Variants in PTPRD observed in about 807,000 individuals in gnomAD.
PTPRD encodes protein tyrosine phosphatase receptor type D, also known as receptor-type tyrosine-protein phosphatase delta.
A neutral mutation model predicts 214.5 loss-of-function variants in PTPRD; 34 were observed. The observed-to-expected ratio is 0.16, with a 90% CI of 0.12 to 0.21. The LOEUF (loss-of-function observed/expected upper bound fraction) is 0.21. Ranked by LOEUF, PTPRD falls within the 10% of genes least tolerant of loss-of-function variation. The pLI is 1.00. For missense variants in PTPRD, 2,545 were observed against 2,398.7 expected, an observed-to-expected ratio of 1.06 and a Z score of -1.27; for synonymous variants, 1,128 against 845.7, an observed-to-expected ratio of 1.33 and a Z score of -5.79.
chr9:8,450,390 T>C (rs2095889879), intron 33 of PTPRD, among the ~76,000 whole-genome samples: 1 of 152,106 alleles, frequency 6.6e-6, no homozygotes, highest in Admixed American at 6.5e-5. Context: ...ATGCCTAGGA[T>C]AATCGGGACC....
chr9:9,655,143 A>G (rs1041905230), intron 7 of PTPRD, among the ~76,000 whole-genome samples: 14 of 152,170 alleles, frequency 9.2e-5, no homozygotes, highest in Non-Finnish European at 1.5e-4. Context: ...TGTTATAAAA[A>G]CTATATGATT....
At chr9:10,176,494 G>T (rs766502397) in intron 3 of PTPRD, among the ~76,000 whole-genome samples, 1 of 151,900 alleles carries the variant, frequency 6.6e-6, no homozygotes, top group African/African-American at 2.4e-5. Flanking sequence ...TATCAGACCT[G>T]TAAGTAAACC....
chr9:9,116,009 C>G (rs746747492), intron 10 of PTPRD, among the ~76,000 whole-genome samples: 3 of 151,812 alleles, frequency 2.0e-5, no homozygotes, highest in Non-Finnish European at 4.4e-5. Context: ...TATAAGTGAG[C>G]TAAACATTGG....
Position 8,959,672 on chromosome 9 carries a change from G to A in PTPRD, c.-104+59025C>T, listed in dbSNP as rs373433732. Among the ~76,000 whole-genome samples the A allele has an allele frequency of 1.2e-4, 18 of 152,060 alleles. No individual in the cohort carries two copies. In the East Asian group the frequency reaches 1.7e-3, roughly 15 times the overall value. ...TCTATATTTAGATGCAGTAAGTTGG[G>A]AATTAATTTTAATGAAAGAATCATT... On this transcript the variant is annotated intron_variant, in intron 11 of 45. Transcript: ENST00000381196.
intron 35 of PTPRD, among the ~76,000 whole-genome samples, chr9:8,431,919 G>A (rs2095082032): frequency 1.3e-5 from 2 of 152,178 alleles, no homozygotes; most frequent in Non-Finnish European, 2.9e-5. Flanking sequence ...GCTTCTCTTT[G>A]CACCTCTGGT....
intron 14 of PTPRD, among the ~76,000 whole-genome samples, chr9:8,632,149 C>G (rs7020703): frequency 0.18 from 20,204 of 114,226 alleles, 1,574 homozygotes; most frequent in African/African-American, 0.3. Context: ...GTGTGTGTGT[C>G]TGTGTGTGTG....
chr9:8,403,616 G>T (rs931414292), intron 36 of PTPRD, among the ~76,000 whole-genome samples: 1 of 152,190 alleles, frequency 6.6e-6, no homozygotes, highest in Admixed American at 6.5e-5. Flanking sequence ...GATCCGTCAT[G>T]AATCCTTAAT....
chr9:9,000,045 G>A (rs1033093668), intron 11 of PTPRD, among the ~76,000 whole-genome samples: 7 of 151,948 alleles, frequency 4.6e-5, no homozygotes, highest in African/African-American at 1.7e-4. Context: ...CTGTCCAAAT[G>A]CTGCTTTTAT....
In PTPRD at chr9:8,777,726, A is replaced by T. The variant is rs112342279; in HGVS notation, c.-103-43780T>A. ...AGAGAGCTGGTCATATATTAAATTG[A>T]ATTGAAAGCCTTATTTACTGTACTT... On this transcript the variant is annotated intron_variant, in intron 11 of 45. Transcript: ENST00000381196. Among the ~76,000 whole-genome samples, 383 of 152,316 alleles carry T rather than the reference A, an allele frequency of 2.5e-3. 1 individual carries two copies. The highest frequency in any genetic ancestry group is 8.1e-3 in the African/African-American group (336 of 41,570).
At chr9:8,970,334 A>G (rs1363739148) in intron 11 of PTPRD, among the ~76,000 whole-genome samples, 1 of 151,908 alleles carries the variant, frequency 6.6e-6, no homozygotes, top group Non-Finnish European at 1.5e-5. Flanking sequence ...CATCTTTTCA[A>G]AAATAGTGAG....
chr9:8,622,782 A>C (rs1356657452), intron 14 of PTPRD, among the ~76,000 whole-genome samples: 1 of 151,942 alleles, frequency 6.6e-6, no homozygotes, highest in Non-Finnish European at 1.5e-5. Context: ...CCTTAAATCC[A>C]GCAGTCTGCA....
chr9:8,579,284 C>T (rs544054753), intron 14 of PTPRD, among the ~76,000 whole-genome samples: 1 of 152,240 alleles, frequency 6.6e-6, no homozygotes, highest in South Asian at 2.1e-4. Flanking sequence ...TCTCTTGGAT[C>T]TAATGCTAAT....
intron 3 of PTPRD, among the ~76,000 whole-genome samples, chr9:10,177,410 G>C (rs1408105172): frequency 6.7e-6 from 1 of 150,188 alleles, no homozygotes; most frequent in Non-Finnish European, 1.5e-5. Flanking sequence ...AGAATAATGA[G>C]TTTGTGCTTC....
chr9:9,174,194 T>C (rs1426193868), intron 10 of PTPRD, among the ~76,000 whole-genome samples: 2 of 152,164 alleles, frequency 1.3e-5, no homozygotes, highest in Non-Finnish European at 2.9e-5. Context: ...ACTTATTTGC[T>C]TTCCTATTGT....
chr9:10,611,627 T>C (rs564824973), intron 2 of PTPRD, among the ~76,000 whole-genome samples: 5 of 152,306 alleles, frequency 3.3e-5, no homozygotes, highest in Admixed American at 6.5e-5. Context: ...CAAAAGTTTT[T>C]GATGCAGAGA....
intron 5 of PTPRD, among the ~76,000 whole-genome samples, chr9:9,811,795 G>A (rs924137858): frequency 1.3e-5 from 2 of 152,154 alleles, no homozygotes; most frequent in Non-Finnish European, 1.5e-5. Flanking sequence ...CAAAATATTA[G>A]AACATTACAT....
At chr9:9,201,357 T>C (rs556616113) in intron 9 of PTPRD, among the ~76,000 whole-genome samples, 1 of 152,196 alleles carries the variant, frequency 6.6e-6, no homozygotes, top group Non-Finnish European at 1.5e-5. Flanking sequence ...TGAAGAAAAC[T>C]GTGGAATGCT....
rs1196363907 is a variant in PTPRD, at chr9:9,318,223, C to A, written c.-203+79226G>T. On this transcript the variant is annotated intron_variant, in intron 9 of 45. Transcript: ENST00000381196. ...CAAACAAACAAAAACAAACAAAAAA[C>A]CAAAAAAAAAAAAAACACCAAAAAG... Among the ~76,000 whole-genome samples, 10 of 132,972 alleles carry A rather than the reference C, an allele frequency of 7.5e-5. No individual in the cohort carries two copies. The East Asian group carries it at 1.3e-3, about 17-fold the overall frequency. The allele number at this position is 132,972 out of a possible 152,430, so 87.2% of individuals were successfully genotyped here.
chr9:9,704,398 T>C (rs1166446254), intron 7 of PTPRD, among the ~76,000 whole-genome samples: 2 of 152,172 alleles, frequency 1.3e-5, no homozygotes, highest in East Asian at 1.9e-4. Context: ...TCAGCATCTC[T>C]AGCTAAGGCA....
Sources: allele counts gnomAD v4.1 joint callset (sites outside exome capture counted in the v4.1 genomes callset), GRCh38; gene constraint gnomAD v4.1.1; transcripts MANE v1.5; gene names NCBI Gene and HGNC (gene_info 2026-07-23, HGNC 2026-07-21).